The following CHRM3 variants were observed in gnomAD, a reference collection of about 807,000 sequenced individuals.
CHRM3 encodes the protein muscarinic acetylcholine receptor M3.
A neutral mutation model predicts 41.8 loss-of-function variants in CHRM3; 11 were observed. The ratio of observed to expected loss-of-function variants is 0.26; its 90% CI spans 0.17 to 0.44. CHRM3 has a LOEUF of 0.44. Among genes scored for constraint, CHRM3 ranks in the 20% least tolerant of loss-of-function variants. The pLI, the probability that CHRM3 is intolerant of heterozygous loss-of-function variation, is 1.00. For missense variants in CHRM3, 571 were observed against 745.4 expected (o/e 0.77, Z 2.72); for synonymous variants, 297 against 301.4 (o/e 0.99, Z 0.15).
intron 3 of CHRM3, among the ~76,000 whole-genome samples, chr1:239,614,508 A>G (rs1572933925): frequency 6.6e-6 from 1 of 152,372 alleles, no homozygotes; most frequent in South Asian, 2.1e-4. Flanking sequence ...GAAATTTTAA[A>G]TTAGAATCCT....
chr1:239,826,220 T>C (rs1340149984), intron 5 of CHRM3, among the ~76,000 whole-genome samples: 1 of 152,224 alleles, frequency 6.6e-6, no homozygotes, highest in Admixed American at 6.5e-5. Flanking sequence ...TACAATTTTT[T>C]AAAAATCTTT....
intron 2 of CHRM3, among the ~76,000 whole-genome samples, chr1:239,518,377 A>G (rs1669412160): frequency 6.6e-6 from 1 of 152,218 alleles, no homozygotes; most frequent in Admixed American, 6.5e-5. Flanking sequence ...TCCTCAAATC[A>G]TTCTCAACTT....
intron 2 of CHRM3, among the ~76,000 whole-genome samples, chr1:239,504,519 AACT>A (rs1668438132): frequency 6.6e-6 from 1 of 152,194 alleles, no homozygotes; most frequent in Admixed American, 6.5e-5. Context: ...TTCCTTAAAG[AACT>A]ACAAGTAGAA....
chr1:239,557,809 A>G (rs965807699), intron 3 of CHRM3, among the ~76,000 whole-genome samples: 1 of 152,154 alleles, frequency 6.6e-6, no homozygotes, highest in Non-Finnish European at 1.5e-5. Context: ...TGCAAAGGAC[A>G]TGATTTGTTG....
At chr1:239,673,966 C>A (rs1213251032) in intron 4 of CHRM3, among the ~76,000 whole-genome samples, 1 of 152,106 alleles carries the variant, frequency 6.6e-6, no homozygotes, top group Non-Finnish European at 1.5e-5. Flanking sequence ...TTTTTGAGCA[C>A]CAACATGACA....
Position 239,895,331 on chromosome 1 carries a change from T to C in CHRM3, c.-19-12102T>C, listed in dbSNP as rs1678903686. 2.6e-5 allele frequency among the ~76,000 whole-genome samples: 4 copies of C among 152,200 alleles called. No homozygotes were observed. The South Asian group carries it at 8.3e-4, about 32-fold the overall frequency. ...AAAGCCCGAATTTGTTTCTCAGCCCTCCTTCCAGCTGCCTCTGCAGTCTCC... is the reference window on the plus strand; with the variant it reads ...AAAGCCCGAATTTGTTTCTCAGCCCCCCTTCCAGCTGCCTCTGCAGTCTCC... On this transcript the variant is annotated intron_variant, in intron 6 of 6. Coordinates refer to ENST00000676153, the MANE Select transcript of CHRM3 (RefSeq NM_001375978.1).
intron 1 of CHRM3, among the ~76,000 whole-genome samples, chr1:239,449,670 A>G: frequency 6.6e-6 from 1 of 152,042 alleles, no homozygotes; most frequent in East Asian, 1.9e-4. Context: ...TACAGTATTT[A>G]CTGTACTTAA....
At chr1:239,400,457 A>T (rs1462887814) in intron 1 of CHRM3, among the ~76,000 whole-genome samples, 2 of 152,022 alleles carry the variant, frequency 1.3e-5, no homozygotes, top group African/African-American at 4.8e-5. Flanking sequence ...TTTTCTCTTG[A>T]TATAATTCCA....
At chr1:239,840,389 T>C (rs983024247) in intron 6 of CHRM3, among the ~76,000 whole-genome samples, 1 of 152,222 alleles carries the variant, frequency 6.6e-6, no homozygotes, top group Non-Finnish European at 1.5e-5. Context: ...GGCATTGATT[T>C]TGTATTCTTA....
At chr1:239,889,426 C>T (rs111720799) in intron 6 of CHRM3, among the ~76,000 whole-genome samples, 51 of 152,258 alleles carry the variant, frequency 3.3e-4, no homozygotes, top group African/African-American at 1.2e-3. Context: ...ATGGAGCCTC[C>T]GTGTTGGACA....
chr1:239,808,549 T>C (rs1670848110), intron 5 of CHRM3, among the ~76,000 whole-genome samples: 1 of 152,166 alleles, frequency 6.6e-6, no homozygotes, highest in Non-Finnish European at 1.5e-5. Context: ...GGAATAAAGA[T>C]GAGAGTCTCT....
chr1:239,609,674 A>G (rs1413907364), intron 3 of CHRM3, among the ~76,000 whole-genome samples: 5 of 152,174 alleles, frequency 3.3e-5, no homozygotes, highest in Non-Finnish European at 5.9e-5. Flanking sequence ...AGTATTTTCA[A>G]TTGTGGTCAT....
At chr1:239,696,665 A>C (rs943720990) in intron 5 of CHRM3, among the ~76,000 whole-genome samples, 1 of 152,242 alleles carries the variant, frequency 6.6e-6, no homozygotes, top group Non-Finnish European at 1.5e-5. Flanking sequence ...ATTCAGTAGC[A>C]TACTGGCACA....
chr1:239,537,287 C>T (rs1252338611), intron 2 of CHRM3, among the ~76,000 whole-genome samples: 4 of 152,068 alleles, frequency 2.6e-5, no homozygotes, highest in Admixed American at 2.6e-4. Flanking sequence ...AATTGGCTCC[C>T]GGTTCTGCAG....
intron 6 of CHRM3, among the ~76,000 whole-genome samples, chr1:239,838,861 T>C (rs1673547341): frequency 6.6e-6 from 1 of 152,234 alleles, no homozygotes; most frequent in South Asian, 2.1e-4. Context: ...GGGAAATTGA[T>C]ACTTCTGAAA....
At chr1:239,468,035 T>C (rs550183472) in intron 1 of CHRM3, among the ~76,000 whole-genome samples, 2 of 152,274 alleles carry the variant, frequency 1.3e-5, no homozygotes, top group African/African-American at 4.8e-5. Flanking sequence ...CCTTACACTT[T>C]ATTCTTTAAA....
At chr1:239,667,864 C>A (rs1250824453) in intron 4 of CHRM3, among the ~76,000 whole-genome samples, 1 of 152,128 alleles carries the variant, frequency 6.6e-6, no homozygotes, top group Non-Finnish European at 1.5e-5. Flanking sequence ...GGAACAGAAT[C>A]ATCCATCTGT....
intron 6 of CHRM3, among the ~76,000 whole-genome samples, chr1:239,887,340 T>C (rs1678159061): frequency 6.6e-6 from 1 of 152,076 alleles, no homozygotes; most frequent in Admixed American, 6.6e-5. Flanking sequence ...TAGGTGGGAT[T>C]ATAGGCACCC....
chr1:239,673,091 T>A (rs2149066576), intron 4 of CHRM3, among the ~76,000 whole-genome samples: 1 of 152,278 alleles, frequency 6.6e-6, no homozygotes, highest in East Asian at 1.9e-4. Context: ...ACGTTCTTCC[T>A]GCCCAGCAGA....
Sources: gnomAD v4.1 joint callset for allele counts (sites outside exome capture counted in the v4.1 genomes callset) on GRCh38, gnomAD v4.1.1 for gene constraint, MANE v1.5 for transcripts, NCBI Gene and HGNC (gene_info 2026-07-23, HGNC 2026-07-21) for gene names.